POC1A: variants seen among roughly 807,000 people sequenced by gnomAD.
The protein encoded by POC1A is POC1 centriolar protein homolog A.
POC1A carries 34 observed loss-of-function variants against 47.8 expected under a neutral mutation model. That is an observed-to-expected ratio of 0.71 (90% CI 0.54 to 0.95). POC1A has a LOEUF of 0.95. Among genes scored for constraint, POC1A ranks in the 40% least tolerant of loss-of-function variants. The pLI, the probability that POC1A is intolerant of heterozygous loss-of-function variation, is 0.00. For missense variants in POC1A, 466 were observed against 528.3 expected (o/e 0.88, Z 1.16); for synonymous variants, 177 against 207.6 (o/e 0.85, Z 1.27).
At chr3:52,091,402 A>G (rs771598276) in intron 10 of POC1A, among the ~76,000 whole-genome samples, 8 of 152,230 alleles carry the variant, frequency 5.3e-5, no homozygotes, top group Non-Finnish European at 1.0e-4. Context: ...AAGCATTACA[A>G]TATCTACATT....
chr3:52,097,679 T>A (rs1321774854), intron 9 of POC1A, among the ~76,000 whole-genome samples: 2 of 152,198 alleles, frequency 1.3e-5, no homozygotes, highest in South Asian at 2.1e-4. Flanking sequence ...TCACAAACTT[T>A]CAAGGGCATG....
chr3:52,084,844 T>C lies in POC1A; in HGVS notation c.1126-8859A>G, dbSNP rs1420647616. ...CCTCTGAGCTGGAAGACAGGTGGCA[T>C]GGAGGTGGACAGGGTGGTTGGGCCA... On this transcript the variant is annotated intron_variant, in intron 10 of 10. Coordinates refer to ENST00000296484, the MANE Select transcript of POC1A (RefSeq NM_015426.5). The surrounding 1 kb of genome is among the most constrained non-coding windows in gnomAD (Gnocchi z 4.3). Among the ~76,000 whole-genome samples, 1 of 152,134 alleles carries C rather than the reference T, an allele frequency of 6.6e-6. No individual in the cohort carries two copies. The highest frequency in any genetic ancestry group is 2.4e-5 in the African/African-American group (1 of 41,434).
chr3:52,092,533 A>G (rs994036416), intron 10 of POC1A, among the ~76,000 whole-genome samples: 1 of 152,160 alleles, frequency 6.6e-6, no homozygotes, highest in Non-Finnish European at 1.5e-5. Flanking sequence ...GCCATGTGCC[A>G]GGTGGGAGGA....
chr3:52,147,705 A>G (rs1698414656), intron 4 of POC1A, among the ~76,000 whole-genome samples: 1 of 152,012 alleles, frequency 6.6e-6, no homozygotes, highest in South Asian at 2.1e-4. Flanking sequence ...CATCCACCCA[A>G]AGTGCTAGGA....
At chr3:52,146,093 G>A in intron 5 of POC1A, 132 bp from the exon 6 acceptor site, 1 of 615,412 alleles carries the variant, frequency 1.6e-6, no homozygotes, top group Non-Finnish European at 2.9e-6. Context: ...CCTCCTTTCT[G>A]TCACACTTGT....
In POC1A at chr3:52,090,827, C is replaced by T. The variant is rs1211142495; in HGVS notation, c.1125+5742G>A. Among the ~76,000 whole-genome samples, 1 of 152,008 alleles carries T rather than the reference C, an allele frequency of 6.6e-6. No individual in the cohort carries two copies. The highest frequency in any genetic ancestry group is 1.5e-5 in the Non-Finnish European group (1 of 67,994). The stretch of plus-strand genomic sequence containing the variant: ...CAGCCTCGGGGTCCGGCCTAGAGTC[C>T]TCCAGGGGTGCTCAGAATGGAGGAG... On this transcript the variant is annotated intron_variant, in intron 10 of 10. Coordinates refer to ENST00000296484, the MANE Select transcript of POC1A (RefSeq NM_015426.5). The surrounding 1 kb of genome is among the most constrained non-coding windows in gnomAD (Gnocchi z 4.2).
At chr3:52,146,914 TG>T in intron 5 of POC1A, 73 bp downstream of exon 5, 2 of 1,222,032 alleles carry the variant, frequency 1.6e-6, no homozygotes, top group African/African-American at 1.5e-5. Context: ...TGAAGGCCAC[TG>T]GGCCTCCTCA....
At chr3:52,145,776 G>A (rs1208768117) in intron 6 of POC1A, 70 bp downstream of exon 6, 5 of 1,012,160 alleles carry the variant, frequency 4.9e-6, no homozygotes, top group Admixed American at 1.8e-5. Flanking sequence ...CTACAGCACA[G>A]GACAACATCC....
chr3:52,106,012 G>A (rs370232198), intron 9 of POC1A, among the ~76,000 whole-genome samples: 61 of 152,090 alleles, frequency 4.0e-4, no homozygotes, highest in African/African-American at 1.4e-3. Context: ...GGCTAACACG[G>A]TGAAACCCCG....
chr3:52,135,155 T>A (rs559789008), intron 7 of POC1A, among the ~76,000 whole-genome samples: 65 of 152,240 alleles, frequency 4.3e-4, no homozygotes, highest in African/African-American at 1.5e-3. Context: ...CAGGCCCTCA[T>A]CAGTAATGAA....
At chr3:52,129,573 G>A (rs1042363902) in intron 7 of POC1A, among the ~76,000 whole-genome samples, 3 of 152,136 alleles carry the variant, frequency 2.0e-5, no homozygotes, top group African/African-American at 4.8e-5. Context: ...TGTGGATGCC[G>A]GCCTGCCCCC....
chr3:52,102,133 T>C (rs1703025911), intron 9 of POC1A, among the ~76,000 whole-genome samples: 1 of 152,226 alleles, frequency 6.6e-6, no homozygotes, highest in Admixed American at 6.5e-5. Flanking sequence ...TTGTTTGCTG[T>C]TTCTCTGAGC....
intron 10 of POC1A, among the ~76,000 whole-genome samples, chr3:52,080,779 C>T (rs532754097): frequency 2.6e-4 from 39 of 152,352 alleles, no homozygotes; most frequent in East Asian, 1.9e-4. Context: ...CTGTGGAACT[C>T]GCCTGGGTCA....
intron 10 of POC1A, among the ~76,000 whole-genome samples, chr3:52,076,446 A>G (rs1026543928): frequency 6.6e-6 from 1 of 152,086 alleles, no homozygotes; most frequent in African/African-American, 2.4e-5. Context: ...AAATGATGGC[A>G]CTCCACTTGG....
intron 10 of POC1A, among the ~76,000 whole-genome samples, chr3:52,088,314 G>A (rs568127806): frequency 2.6e-5 from 4 of 152,280 alleles, no homozygotes; most frequent in East Asian, 3.9e-4. Context: ...TCATCTTAGC[G>A]AGCTTTCTGG....
At chr3:52,127,077 G>A (rs752792525) in intron 7 of POC1A, among the ~76,000 whole-genome samples, 1 of 152,208 alleles carries the variant, frequency 6.6e-6, no homozygotes, top group Non-Finnish European at 1.5e-5. Context: ...AGAGCTGCAA[G>A]GGCCCAGGAA....
intron 9 of POC1A, among the ~76,000 whole-genome samples, chr3:52,101,352 C>T (rs567556746): frequency 6.0e-5 from 9 of 149,408 alleles, no homozygotes; most frequent in African/African-American, 2.2e-4. Flanking sequence ...AAGCATGATG[C>T]CTGGCATTTA....
At chr3:52,091,676 T>A (rs1170547796) in intron 10 of POC1A, among the ~76,000 whole-genome samples, 1 of 152,190 alleles carries the variant, frequency 6.6e-6, no homozygotes, top group Non-Finnish European at 1.5e-5. Flanking sequence ...TTCTGGGACT[T>A]GAGTCCAGCG....
intron 7 of POC1A, among the ~76,000 whole-genome samples, chr3:52,131,944 A>G (rs577597485): frequency 2.5e-4 from 38 of 152,226 alleles, no homozygotes; most frequent in African/African-American, 8.7e-4. Context: ...CGTTTTTCTA[A>G]CAAATGGACT....
Sources: gnomAD v4.1 joint callset for allele counts (sites outside exome capture counted in the v4.1 genomes callset) on GRCh38, gnomAD v4.1.1 for gene constraint, Gnocchi (gnomAD v3.1) non-coding constraint, MANE v1.5 for transcripts, NCBI Gene and HGNC (gene_info 2026-07-23, HGNC 2026-07-21) for gene names.